Variants in ELAC2 observed in about 807,000 individuals in gnomAD.
ELAC2 encodes the protein zinc phosphodiesterase ELAC protein 2.
Under a neutral mutation model 105.2 loss-of-function variants are expected in ELAC2, and 92 were observed. The observed-to-expected ratio is 0.87, with a 90% CI of 0.74 to 1.04. ELAC2 has a LOEUF of 1.04. Ranked by LOEUF, ELAC2 falls within the 50% of genes least tolerant of loss-of-function variation. The probability of loss-of-function intolerance (pLI) is 0.00; values close to 1 mark genes in which losing one functional copy is unlikely to be tolerated. For synonymous variants in ELAC2, 468 were observed against 409.1 expected, an observed-to-expected ratio of 1.14 and a Z score of -1.74; for missense variants, 1,099 against 1,071.7, an observed-to-expected ratio of 1.03 and a Z score of -0.36.
intron 14 of ELAC2, among the ~76,000 whole-genome samples, chr17:13,001,970 C>T (rs745715827): frequency 5.9e-5 from 9 of 152,312 alleles, no homozygotes; most frequent in Middle Eastern, 3.4e-3. Flanking sequence ...GTGAAACACA[C>T]GAGCTCTATC....
intron 10 of ELAC2, among the ~76,000 whole-genome samples, 192 bp downstream of exon 10, chr17:13,005,561 G>GC (rs1567759277): frequency 6.6e-6 from 1 of 152,162 alleles, no homozygotes; most frequent in East Asian, 1.9e-4. Flanking sequence ...CTACAAAAAT[G>GC]CTCGAATGCA....
intron 14 of ELAC2, among the ~76,000 whole-genome samples, chr17:13,001,430 T>C (rs2040803577): frequency 6.6e-6 from 1 of 152,156 alleles, no homozygotes; most frequent in African/African-American, 2.4e-5. Flanking sequence ...AGGCGGAGGT[T>C]GCAGTGAGCT....
intron 8 of ELAC2, among the ~76,000 whole-genome samples, chr17:13,007,658 ATT>A (rs1386276394): frequency 6.6e-6 from 1 of 152,180 alleles, no homozygotes; most frequent in Non-Finnish European, 1.5e-5. Flanking sequence ...CAGGAGGATC[ATT>A]TGAGGTCAGA....
intron 1 of ELAC2, 34 bp downstream of exon 1, chr17:13,017,669 G>A (rs765428656): frequency 1.2e-6 from 2 of 1,613,144 alleles, no homozygotes; most frequent in Non-Finnish European, 1.7e-6. Context: ...CGCACTGAGG[G>A]CCCAGCGGGA....
At chr17:13,011,932 T>A in intron 6 of ELAC2, 150 bp from the exon 7 acceptor site, 1 of 1,319,548 alleles carries the variant, frequency 7.6e-7, no homozygotes, top group Non-Finnish European at 1.1e-6. Context: ...GTTAACTTCC[T>A]ACCTGGTTTC....
At chr17:12,999,260 A>C (rs1462697587) in intron 15 of ELAC2, among the ~76,000 whole-genome samples, 1 of 152,240 alleles carries the variant, frequency 6.6e-6, no homozygotes, top group Non-Finnish European at 1.5e-5. Context: ...TCAAGAGAAC[A>C]GTGTGTGCCT....
chr17:13,005,711 C>T (rs200024721), intron 10 of ELAC2, 42 bp downstream of exon 10: 4 of 1,601,334 alleles, frequency 2.5e-6, no homozygotes, highest in Non-Finnish European at 3.4e-6. Context: ...GCATTTCAGA[C>T]CCTACCTGTA....
In ELAC2 at chr17:13,017,059, AGACT is replaced by A. The variant is rs777743055; in HGVS notation, c.296+8_296+11del. ...AATCAACTCCCCCTCCGAAAGCAAG[AGACT>A]GACTCACTTGTGCTCCTGCATGAGT... On this transcript the variant is annotated splice_region_variant and intron_variant, in intron 2 of 23. Transcript: ENST00000338034. The A allele has an allele frequency of 6.2e-7, 1 of 1,614,118 alleles. No individual in the cohort carries two copies. The highest frequency in any genetic ancestry group is 1.1e-5 in the South Asian group (1 of 91,084).
In ELAC2 at chr17:13,002,306, C is replaced by T; in HGVS notation, c.1272G>A (p.Lys424=). The T allele has an allele frequency of 6.2e-7, 1 of 1,614,196 alleles. No individual in the cohort carries two copies. Among genetic ancestry groups the T allele is most frequent in the South Asian group, 1.1e-5 (1 of 91,082 alleles). Residue 424 remains lysine, a synonymous_variant, in exon 14 of 24, where the codon AAG becomes AAA. Coordinates refer to ENST00000338034, the MANE Select transcript of ELAC2 (RefSeq NM_018127.7). ...ACTCCCTCCTGGGACGGAGCTGGTA[C>T]TTGAGGAGGCATTCACCCTGAACCA... ...VPMVQGECLL[K]YQLRPRREWQ...
intron 6 of ELAC2, among the ~76,000 whole-genome samples, chr17:13,012,935 G>C (rs999678992): frequency 6.6e-6 from 1 of 152,186 alleles, no homozygotes; most frequent in Admixed American, 6.5e-5. Flanking sequence ...TCCAAGCAAT[G>C]AATGTGCAAA....
Position 13,002,508 on chromosome 17 carries a change from T to C in ELAC2, c.1151A>G (p.Lys384Arg). Residue 384 changes from lysine (K) to arginine (R), a missense_variant, in exon 13 of 24, where the codon AAG becomes AGG. Lys to Arg is a conservative substitution (Grantham distance 26, BLOSUM62 2). Transcript: ENST00000338034. ...GATGAGGTTGAGCTGGGTTTGAATC[T>C]TGTGGCTGCGAAGGTTGTGAACTGA... ...CASVHNLRSH[K>R]IQTQLNLIHP... The C allele has an allele frequency of 6.2e-7, 1 of 1,606,280 alleles. No individual in the cohort carries two copies. Among genetic ancestry groups the C allele is most frequent in the Non-Finnish European group, 8.5e-7 (1 of 1,175,860 alleles).
At chr17:13,008,710 T>C (rs1408512020) in intron 8 of ELAC2, among the ~76,000 whole-genome samples, 1 of 147,646 alleles carries the variant, frequency 6.8e-6, no homozygotes, top group East Asian at 1.9e-4. Flanking sequence ...AGATGAGTTT[T>C]TCAGGTCCTC....
intron 8 of ELAC2, among the ~76,000 whole-genome samples, chr17:13,009,867 T>C (rs1037049657): frequency 6.6e-6 from 1 of 151,840 alleles, no homozygotes; most frequent in African/African-American, 2.4e-5. Context: ...CGCGCACCTA[T>C]AATCCTAGCT....
At chr17:12,993,069 G>A (rs768527037) in intron 23 of ELAC2, 24 bp from the exon 24 acceptor site, 1 of 1,598,602 alleles carries the variant, frequency 6.3e-7, no homozygotes, top group African/African-American at 1.3e-5. Flanking sequence ...TAGAAGACAA[G>A]GACATGTCTC....
chr17:13,000,127 G>C, intron 15 of ELAC2, 29 bp downstream of exon 15: 1 of 1,598,218 alleles, frequency 6.3e-7, no homozygotes, highest in Non-Finnish European at 8.6e-7. Context: ...GCCCAGGAAA[G>C]AAAGGCTGCT....
Position 12,995,934 on chromosome 17 carries a change from A to G in ELAC2, c.1698+6T>C, listed in dbSNP as rs761972024. ...ACTCAGAACGCCCATCAAGTGCCAC[A>G]CTTACCAAGGCGCGTTCTCTCTGCA... On this transcript the variant is annotated splice_donor_region_variant and intron_variant, in intron 18 of 23. Coordinates refer to ENST00000338034, the MANE Select transcript of ELAC2 (RefSeq NM_018127.7). 20 of 1,594,634 alleles carry G rather than the reference A, an allele frequency of 1.3e-5. No individual in the cohort carries two copies. The highest frequency in any genetic ancestry group is 1.6e-5 in the Non-Finnish European group (19 of 1,169,064).
intron 19 of ELAC2, among the ~76,000 whole-genome samples, 176 bp from the exon 20 acceptor site, chr17:12,995,238 C>T (rs1203448480): frequency 6.6e-6 from 1 of 152,192 alleles, no homozygotes; most frequent in Non-Finnish European, 1.5e-5. Context: ...ACCAAAGCCT[C>T]TAGGCCACTG....
intron 15 of ELAC2, 133 bp downstream of exon 15, chr17:13,000,023 G>A: frequency 2.6e-6 from 2 of 783,258 alleles, no homozygotes; most frequent in Non-Finnish European, 4.3e-6. Flanking sequence ...ATGTAGAGCT[G>A]AGTAGAGAAG....
At position 13,017,874 on chromosome 17, in the gene ELAC2, G is replaced by GCCTGCGATATGGTGCGTC. The variant is rs771710773; in HGVS notation, c.56_73dup (p.Gly19_Gln24dup). 4 of 1,550,046 alleles carry GCCTGCGATATGGTGCGTC rather than the reference G, an allele frequency of 2.6e-6. No homozygotes were observed. Among genetic ancestry groups the GCCTGCGATATGGTGCGTC allele is most frequent in the South Asian group, 1.2e-5 (1 of 84,942 alleles). On this transcript the variant is annotated inframe_insertion, in exon 1 of 24. Transcript: ENST00000338034. ...GCGCGGCCGCTCGCGGCGGGCGGGT[G>GCCTGCGATATGGTGCGTC]CCTGCGATATGGTGCGTCCCTGCGA...
Sources: gnomAD v4.1 joint callset for allele counts (sites outside exome capture counted in the v4.1 genomes callset) on GRCh38, gnomAD v4.1.1 for gene constraint, MANE v1.5 for transcripts, NCBI Gene and HGNC (gene_info 2026-07-23, HGNC 2026-07-21) for gene names.